Variants in EDEM3 observed in about 807,000 individuals in gnomAD.
EDEM3 encodes ER degradation enhancing alpha-mannosidase like protein 3.
Under a neutral mutation model 110.2 loss-of-function variants are expected in EDEM3, and 60 were observed. The ratio of observed to expected loss-of-function variants is 0.54; its 90% CI spans 0.44 to 0.67. The LOEUF (loss-of-function observed/expected upper bound fraction) is 0.67, where lower values mean the gene tolerates loss of function less well. EDEM3 is among the 30% of genes least tolerant of loss of function. EDEM3 has a pLI of 0.00. For synonymous variants in EDEM3, 352 were observed against 382.9 expected, an observed-to-expected ratio of 0.92 and a Z score of 0.94; for missense variants, 996 against 1,121.0, an observed-to-expected ratio of 0.89 and a Z score of 1.59.
chr1:184,698,900 A>C (rs1418500186), intron 19 of EDEM3, among the ~76,000 whole-genome samples: 1 of 151,886 alleles, frequency 6.6e-6, no homozygotes, highest in Non-Finnish European at 1.5e-5. Flanking sequence ...AGCAACAATC[A>C]GGAAAGTAAA....
Position 184,695,306 on chromosome 1 carries a change from A to G in EDEM3, c.2390-834T>C, listed in dbSNP as rs954821166. Reference sequence around the variant, plus strand: ...TAGTGCTAGGGATAAAATGAGGAGCAATACCAAATGCTATACCTGCCCTTA... The same window carrying G: ...TAGTGCTAGGGATAAAATGAGGAGCGATACCAAATGCTATACCTGCCCTTA... On this transcript the variant is annotated intron_variant, in intron 19 of 19. Coordinates refer to ENST00000318130, the MANE Select transcript of EDEM3 (RefSeq NM_025191.4). Among the ~76,000 whole-genome samples, 8 of 152,080 alleles carry G rather than the reference A, an allele frequency of 5.3e-5. 1 individual carries two copies. The highest frequency in any genetic ancestry group is 1.9e-4 in the African/African-American group (8 of 41,436).
rs1282598199 is a variant in EDEM3, at chr1:184,749,511, AC to A, written c.204+35del. The A allele has an allele frequency of 3.2e-5, 46 of 1,450,566 alleles. No individual in the cohort carries two copies. In the East Asian group the frequency reaches 1.0e-3, roughly 33 times the overall value. The allele number at this position is 1,450,566 out of a possible 1,614,324, so 89.9% of individuals were successfully genotyped here. A position where few individuals can be genotyped will look rare whatever the true frequency, so the allele number is the denominator to read the frequency against. On this transcript the variant is annotated intron_variant, in intron 2 of 19. Transcript: ENST00000318130. ...ACTGTGCTCACATAATAATCAACTC[AC>A]ATAAATGGTAGGTAAAGATAAGCTT...
chr1:184,735,820 C>A (rs995095390), intron 4 of EDEM3, among the ~76,000 whole-genome samples: 1 of 152,178 alleles, frequency 6.6e-6, no homozygotes, highest in Admixed American at 6.5e-5. Flanking sequence ...TATCCCCACC[C>A]TCCATACACA....
At chr1:184,719,667 A>C in intron 9 of EDEM3, 99 bp from the exon 10 acceptor site, 3 of 1,203,572 alleles carry the variant, frequency 2.5e-6, no homozygotes, top group Non-Finnish European at 3.3e-6. Flanking sequence ...ACTAGAATTT[A>C]TATATAAATT....
chr1:184,747,605 A>G (rs1425658603), intron 2 of EDEM3, among the ~76,000 whole-genome samples: 1 of 152,230 alleles, frequency 6.6e-6, no homozygotes, highest in Non-Finnish European at 1.5e-5. Flanking sequence ...GTGGACACGT[A>G]TGGTCCCACT....
chr1:184,717,065 T>C, intron 12 of EDEM3, 53 bp from the exon 13 acceptor site: 1 of 1,403,772 alleles, frequency 7.1e-7, no homozygotes, highest in Non-Finnish European at 9.7e-7. Context: ...TATTACCACA[T>C]ATCCATTCAT....
chr1:184,706,011 T>C (rs191196724), intron 18 of EDEM3, among the ~76,000 whole-genome samples: 134 of 152,286 alleles, frequency 8.8e-4, no homozygotes, highest in African/African-American at 3.0e-3. Context: ...CTGTAAACCC[T>C]GTTATAGTAG....
At position 184,710,341 on chromosome 1, in the gene EDEM3, G is replaced by A. The variant is rs958315021; in HGVS notation, c.1845+53C>T. The A allele has an allele frequency of 2.3e-5, 37 of 1,575,766 alleles. No homozygotes were observed. In the Admixed American group the frequency reaches 4.8e-4, roughly 20 times the overall value. On this transcript the variant is annotated intron_variant, in intron 16 of 19. Coordinates refer to ENST00000318130, the MANE Select transcript of EDEM3 (RefSeq NM_025191.4). The stretch of plus-strand genomic sequence containing the variant: ...TCCATTATCTTATTAAAGCTAATGC[G>A]ACCAAAGAAAGCAGGGCAGAGACGG...
intron 19 of EDEM3, among the ~76,000 whole-genome samples, chr1:184,702,515 G>GGC (rs1433390551): frequency 5.3e-5 from 8 of 152,152 alleles, no homozygotes; most frequent in African/African-American, 1.9e-4. Flanking sequence ...ATGTTAAAAT[G>GGC]GCTTTCCTGA....
intron 2 of EDEM3, among the ~76,000 whole-genome samples, chr1:184,746,649 T>A (rs766994287): frequency 2.6e-5 from 4 of 152,228 alleles, no homozygotes; most frequent in Non-Finnish European, 5.9e-5. Flanking sequence ...GTAACCCAGA[T>A]GAGAGGTGGC....
rs1022087738 is a variant in EDEM3, at chr1:184,691,823, T to G, written c.*2240A>C. On this transcript the variant is annotated 3_prime_UTR_variant, in exon 20 of 20. Coordinates refer to ENST00000318130, the MANE Select transcript of EDEM3 (RefSeq NM_025191.4). The stretch of plus-strand genomic sequence containing the variant: ...GGGTATTAAGAAAAATTGGTTAAAT[T>G]TTTTCCTTTTCTTTTTTTAAGGATT... The G allele has an allele frequency of 3.9e-5, 6 of 152,034 alleles. No homozygotes were observed. Among genetic ancestry groups the G allele is most frequent in the African/African-American group, 1.4e-4 (6 of 41,398 alleles). 9.4% of individuals were successfully genotyped at this position (152,034 alleles called of 1,614,324 possible). A position where few individuals can be genotyped will look rare whatever the true frequency, so the allele number is the denominator to read the frequency against.
chr1:184,753,595 CT>C (rs556857172), intron 1 of EDEM3, among the ~76,000 whole-genome samples: 1 of 151,716 alleles, frequency 6.6e-6, no homozygotes, highest in Non-Finnish European at 1.5e-5. Context: ...CTCACTAAGC[CT>C]TTTTTTTCTA....
chr1:184,703,025 C>T, intron 18 of EDEM3, 29 bp from the exon 19 acceptor site: 1 of 1,526,932 alleles, frequency 6.5e-7, no homozygotes, highest in Non-Finnish European at 8.8e-7. Context: ...CAGCAAACAT[C>T]AAAATATCCA....
At chr1:184,743,388 C>T (rs1652249948) in intron 2 of EDEM3, among the ~76,000 whole-genome samples, 1 of 152,012 alleles carries the variant, frequency 6.6e-6, no homozygotes, top group Non-Finnish European at 1.5e-5. Flanking sequence ...CCATGAGAAA[C>T]ATTTAATAAT....
At chr1:184,732,628 CT>C (rs1412019873) in intron 6 of EDEM3, among the ~76,000 whole-genome samples, 1 of 152,032 alleles carries the variant, frequency 6.6e-6, no homozygotes, top group East Asian at 1.9e-4. Context: ...AGAAATAAAA[CT>C]TTTTTAAAGC....
intron 1 of EDEM3, among the ~76,000 whole-genome samples, chr1:184,751,806 T>G (rs1260760868): frequency 6.6e-6 from 1 of 152,150 alleles, no homozygotes; most frequent in Non-Finnish European, 1.5e-5. Context: ...CGGGCTGGAG[T>G]GCAATGGCAC....
chr1:184,720,366 C>T (rs1028994949), intron 9 of EDEM3: 3 of 151,980 alleles, frequency 2.0e-5, no homozygotes, highest in Non-Finnish European at 4.4e-5. Context: ...TGCATAAACT[C>T]AATCCTCCCA....
chr1:184,743,474 AAAAAT>A (rs148680939), intron 2 of EDEM3, among the ~76,000 whole-genome samples: 3,838 of 152,158 alleles, frequency 0.025, 164 homozygotes, highest in African/African-American at 0.086. Context: ...CTGAAAGAGC[AAAAAT>A]AAAATAAAAT....
At chr1:184,737,765 A>G in intron 2 of EDEM3, 54 bp from the exon 3 acceptor site, 1 of 1,459,400 alleles carries the variant, frequency 6.9e-7, no homozygotes, top group Non-Finnish European at 9.5e-7. Context: ...AGCACACATC[A>G]TTTTGAGAAC....
Sources: allele counts gnomAD v4.1 joint callset (sites outside exome capture counted in the v4.1 genomes callset), GRCh38; gene constraint gnomAD v4.1.1; transcripts MANE v1.5; gene names NCBI Gene and HGNC (gene_info 2026-07-23, HGNC 2026-07-21).